Variants in DPP6 observed in about 807,000 individuals in gnomAD.
DPP6 encodes the protein A-type potassium channel modulatory protein DPP6.
A neutral mutation model predicts 122.6 loss-of-function variants in DPP6; 69 were observed. The ratio of observed to expected loss-of-function variants is 0.56; its 90% CI spans 0.46 to 0.69. The LOEUF is 0.69. DPP6 is among the 30% of genes least tolerant of loss of function. The pLI is 0.00. For synonymous variants in DPP6, 418 were observed against 433.1 expected (o/e 0.97, Z 0.43); for missense variants, 928 against 1,116.9 (o/e 0.83, Z 2.41).
intron 1 of DPP6, among the ~76,000 whole-genome samples, chr7:153,888,037 G>A (rs1473381396): frequency 6.6e-6 from 1 of 152,198 alleles, no homozygotes; most frequent in Non-Finnish European, 1.5e-5. Flanking sequence ...CTCGCTGACC[G>A]CGGGTCGGTC....
intron 5 of DPP6, among the ~76,000 whole-genome samples, chr7:154,584,275 C>G (rs1307052202): frequency 2.6e-5 from 4 of 152,246 alleles, no homozygotes; most frequent in Admixed American, 6.5e-5. Context: ...CTGGGAGCAC[C>G]TGCCTCCTCC....
In DPP6 at chr7:154,752,477, G is replaced by T. The variant is rs533573917; in HGVS notation, c.884-16940G>T. Among the ~76,000 whole-genome samples, 5 of 152,306 alleles carry T rather than the reference G, an allele frequency of 3.3e-5. No homozygotes were observed. The South Asian group carries it at 1.0e-3, about 32-fold the overall frequency. Reference sequence around the variant, plus strand: ...GGCTCTTGCTTCCCTGACAGCAGGAGTCTCTTCTGCATTTTGTATACTGCA... The same window carrying T: ...GGCTCTTGCTTCCCTGACAGCAGGATTCTCTTCTGCATTTTGTATACTGCA... On this transcript the variant is annotated intron_variant, in intron 8 of 25. Coordinates refer to ENST00000377770, the MANE Select transcript of DPP6 (RefSeq NM_130797.4).
intron 3 of DPP6, among the ~76,000 whole-genome samples, chr7:154,517,647 G>T (rs1226193010): frequency 6.6e-6 from 1 of 152,048 alleles, no homozygotes. Flanking sequence ...TTGTTTAAGG[G>T]AAGAAAATTT....
intron 1 of DPP6, among the ~76,000 whole-genome samples, chr7:153,919,421 C>T (rs1483048524): frequency 1.3e-5 from 2 of 152,164 alleles, no homozygotes; most frequent in Non-Finnish European, 2.9e-5. Context: ...CATTCTTGGC[C>T]TCATGCATGT....
chr7:153,967,582 C>T (rs1795817783), intron 1 of DPP6, among the ~76,000 whole-genome samples: 1 of 152,088 alleles, frequency 6.6e-6, no homozygotes. Context: ...TTCTCTGGCT[C>T]GTCGAACACA....
At chr7:154,629,148 T>C (rs1835261895) in intron 5 of DPP6, among the ~76,000 whole-genome samples, 1 of 152,216 alleles carries the variant, frequency 6.6e-6, no homozygotes, top group Non-Finnish European at 1.5e-5. Flanking sequence ...ATTGTGTTAA[T>C]TTCCAGATAT....
chr7:154,820,488 G>T (rs1344269938), intron 16 of DPP6, among the ~76,000 whole-genome samples: 1 of 152,184 alleles, frequency 6.6e-6, no homozygotes, highest in Admixed American at 6.5e-5. Flanking sequence ...GCCCCCAAAA[G>T]CCTGGATCAC....
Position 154,392,513 on chromosome 7 carries a change from A to G in DPP6, c.244-53701A>G, listed in dbSNP as rs187362379. Reference sequence around the variant, plus strand: ...AGCTCTGAGACCGGTGTTCAGTGAGAGGTGGTTGTGGGCTTTGAGTCTGTG... The same window carrying G: ...AGCTCTGAGACCGGTGTTCAGTGAGGGGTGGTTGTGGGCTTTGAGTCTGTG... On this transcript the variant is annotated intron_variant, in intron 1 of 25. Coordinates refer to ENST00000377770, the MANE Select transcript of DPP6 (RefSeq NM_130797.4). Among the ~76,000 whole-genome samples, 15 of 152,176 alleles carry G rather than the reference A, an allele frequency of 9.9e-5. No individual in the cohort carries two copies. The East Asian group carries it at 2.3e-3, about 24-fold the overall frequency.
At chr7:154,123,590 C>T (rs1807651515) in intron 1 of DPP6, among the ~76,000 whole-genome samples, 1 of 152,144 alleles carries the variant, frequency 6.6e-6, no homozygotes, top group Non-Finnish European at 1.5e-5. Flanking sequence ...GGAGAGTGAC[C>T]CGTGTGCTCC....
chr7:154,047,154 C>T (rs1800060601), intron 1 of DPP6, among the ~76,000 whole-genome samples: 1 of 151,534 alleles, frequency 6.6e-6, no homozygotes, highest in Admixed American at 6.5e-5. Context: ...CTGTGGCTCA[C>T]AGTCAGTTCT....
At chr7:154,091,135 A>T (rs1252948965) in intron 1 of DPP6, among the ~76,000 whole-genome samples, 1 of 150,882 alleles carries the variant, frequency 6.6e-6, no homozygotes, top group Non-Finnish European at 1.5e-5. Flanking sequence ...AAAAAAAAAA[A>T]TCAATTCTGT....
chr7:153,979,689 A>C (rs1796481973), intron 1 of DPP6, among the ~76,000 whole-genome samples: 1 of 152,144 alleles, frequency 6.6e-6, no homozygotes, highest in Admixed American at 6.5e-5. Flanking sequence ...GTTTGTCATA[A>C]ATAGCTCTTA....
At chr7:154,090,401 G>A (rs1248376483) in intron 1 of DPP6, among the ~76,000 whole-genome samples, 3 of 152,186 alleles carry the variant, frequency 2.0e-5, no homozygotes, top group Admixed American at 1.3e-4. Flanking sequence ...TAATTGGCTT[G>A]AAACATTTAA....
At chr7:154,398,278 G>A (rs1033274000) in intron 1 of DPP6, among the ~76,000 whole-genome samples, 24 of 152,160 alleles carry the variant, frequency 1.6e-4, no homozygotes, top group African/African-American at 5.6e-4. Flanking sequence ...AAACCGAGGG[G>A]CAGATAATTT....
chr7:154,674,612 C>G (rs1028886807), intron 7 of DPP6, among the ~76,000 whole-genome samples: 1 of 152,188 alleles, frequency 6.6e-6, no homozygotes, highest in Non-Finnish European at 1.5e-5. Context: ...GAATGGGTCT[C>G]TCTTTGGTTG....
chr7:154,494,370 T>A lies in DPP6; in HGVS notation c.457+19333T>A, dbSNP rs1378773804. Among the ~76,000 whole-genome samples, 8 of 148,364 alleles carry A rather than the reference T, an allele frequency of 5.4e-5. No homozygotes were observed. In the South Asian group the frequency reaches 6.3e-4, roughly 12 times the overall value. On this transcript the variant is annotated intron_variant, in intron 3 of 25. Transcript: ENST00000377770. Reference sequence around the variant, plus strand: ...GACCCTGTCTCAAAAAAATATATATTATACATATTTTTTATTATATATAAA... The same window carrying A: ...GACCCTGTCTCAAAAAAATATATATAATACATATTTTTTATTATATATAAA...
chr7:154,509,392 C>T (rs1021541476), intron 3 of DPP6, among the ~76,000 whole-genome samples: 7 of 152,166 alleles, frequency 4.6e-5, no homozygotes, highest in African/African-American at 1.4e-4. Flanking sequence ...TTGACGTCAT[C>T]GTTCAGCAGG....
intron 1 of DPP6, among the ~76,000 whole-genome samples, chr7:153,889,533 T>G (rs773375409): frequency 1.3e-5 from 2 of 152,252 alleles, no homozygotes; most frequent in African/African-American, 4.8e-5. Context: ...ACTTATAACT[T>G]GCATGGCATG....
intron 18 of DPP6, among the ~76,000 whole-genome samples, chr7:154,870,811 A>C (rs1804316510): frequency 6.6e-6 from 1 of 151,774 alleles, no homozygotes; most frequent in South Asian, 2.1e-4. Flanking sequence ...AAAAATACAA[A>C]AGTTAGCTGG....
Sources: allele counts gnomAD v4.1 joint callset (sites outside exome capture counted in the v4.1 genomes callset), GRCh38; gene constraint gnomAD v4.1.1; transcripts MANE v1.5; gene names NCBI Gene and HGNC (gene_info 2026-07-23, HGNC 2026-07-21).